Variants in RSPH9 observed in about 807,000 individuals in gnomAD.
RSPH9 encodes radial spoke head component 9, also known as radial spoke head protein 9 homolog.
Under a neutral mutation model 27.0 loss-of-function variants are expected in RSPH9, and 27 were observed. That is an observed-to-expected ratio of 1.00 (90% CI 0.74 to 1.38). RSPH9 has a LOEUF of 1.38. Among genes scored for constraint, RSPH9 ranks in the 40% most tolerant of loss-of-function variants. The probability of loss-of-function intolerance (pLI) is 0.00; values close to 1 mark genes in which losing one functional copy is unlikely to be tolerated. For missense variants in RSPH9, 347 were observed against 357.4 expected, an observed-to-expected ratio of 0.97 and a Z score of 0.24; for synonymous variants, 145 against 147.7, an observed-to-expected ratio of 0.98 and a Z score of 0.13.
intron 4 of RSPH9, among the ~76,000 whole-genome samples, chr6:43,663,385 A>C (rs1299758492): frequency 3.3e-5 from 5 of 151,804 alleles, no homozygotes; most frequent in African/African-American, 1.2e-4. Context: ...TGCCCAGCTA[A>C]TTTTTGTATT....
chr6:43,655,988 A>ACTTCCTTC lies in RSPH9; in HGVS notation c.523+339_523+346dup, dbSNP rs70993404. 0.17 allele frequency among the ~76,000 whole-genome samples: 19,592 copies of ACTTCCTTC among 113,194 alleles called. 2,394 individuals are homozygous for ACTTCCTTC. The highest frequency in any genetic ancestry group is 0.21 in the Non-Finnish European group (11,692 of 55,102). 74.3% of individuals were successfully genotyped at this position (113,194 alleles called of 152,430 possible). ...CTTTTCCTATCTCCTTCCTCCTTGG[A>ACTTCCTTC]CTTCCTTCCTTCCTTCCTTCCTTCC... On this transcript the variant is annotated intron_variant, in intron 3 of 4. Coordinates refer to ENST00000372163, the MANE Select transcript of RSPH9 (RefSeq NM_152732.5).
Position 43,670,723 on chromosome 6 carries a change from C to T in RSPH9, c.671-66C>T, listed in dbSNP as rs1359683229. 6 of 1,506,340 alleles carry T rather than the reference C, an allele frequency of 4.0e-6. No homozygotes were observed. In the African/African-American group the frequency reaches 8.2e-5, roughly 21 times the overall value. The allele number at this position is 1,506,340 out of a possible 1,614,324, so 93.3% of individuals were successfully genotyped here. On this transcript the variant is annotated intron_variant, in intron 4 of 4. Transcript: ENST00000372163. Reference sequence around the variant, plus strand: ...TGGCTGCCCAAGGAGCCAGGGGCCACAGCATGAAGGGCAGAGCTGTGGCTC... The same window carrying T: ...TGGCTGCCCAAGGAGCCAGGGGCCATAGCATGAAGGGCAGAGCTGTGGCTC...
At chr6:43,648,666 A>G (rs1771134657) in intron 1 of RSPH9, among the ~76,000 whole-genome samples, 1 of 152,194 alleles carries the variant, frequency 6.6e-6, no homozygotes, top group African/African-American at 2.4e-5. Flanking sequence ...GGACTAGTCC[A>G]AAGGGGGAAT....
rs758684050 is a variant in RSPH9, at chr6:43,650,416, A to G, written c.269A>G (p.Glu90Gly). Residue 90 changes from glutamate to glycine, a missense_variant, in exon 2 of 5, where the codon GAG becomes GGG. Coordinates refer to ENST00000372163, the MANE Select transcript of RSPH9 (RefSeq NM_152732.5). ...TEWSLLPPAT[E>G]EMVAQSSVVK... ...TGGAGCCTCTTGCCCCCTGCCACAG[A>G]GGAGATGGTGGCGCAGTCGTCTGTG... The G allele has an allele frequency of 6.2e-7, 1 of 1,613,908 alleles. No individual in the cohort carries two copies. Among genetic ancestry groups the G allele is most frequent in the Non-Finnish European group, 8.5e-7 (1 of 1,180,000 alleles).
chr6:43,650,424 G>C lies in RSPH9; in HGVS notation c.277G>C (p.Val93Leu), dbSNP rs1771325078. Reference protein sequence around the residue: ...SLLPPATEEMVAQSSVVKGRF... With the variant: ...SLLPPATEEMLAQSSVVKGRF... Reference sequence around the variant, plus strand: ...CTTGCCCCCTGCCACAGAGGAGATGGTGGCGCAGTCGTCTGTGGTGAAGGG... The same window carrying C: ...CTTGCCCCCTGCCACAGAGGAGATGCTGGCGCAGTCGTCTGTGGTGAAGGG... Residue 93 changes from valine to leucine, a missense_variant, in exon 2 of 5, where the codon GTG becomes CTG. Coordinates refer to ENST00000372163, the MANE Select transcript of RSPH9 (RefSeq NM_152732.5). 1.2e-6 allele frequency: 2 copies of C among 1,613,904 alleles called. No homozygotes were observed. The highest frequency in any genetic ancestry group is 2.2e-5 in the South Asian group (2 of 91,074).
chr6:43,669,498 G>C (rs961214953), intron 4 of RSPH9, among the ~76,000 whole-genome samples: 1 of 152,208 alleles, frequency 6.6e-6, no homozygotes, highest in Admixed American at 6.5e-5. Context: ...TGACTAGGGT[G>C]AACCATGGTT....
At chr6:43,656,875 C>A in intron 4 of RSPH9, 152 bp downstream of exon 4, 1 of 805,288 alleles carries the variant, frequency 1.2e-6, no homozygotes. Context: ...TTCCCCAGGG[C>A]CCAGCTTATA....
chr6:43,655,803 T>G, intron 3 of RSPH9, 112 bp downstream of exon 3: 1 of 1,283,428 alleles, frequency 7.8e-7, no homozygotes. Flanking sequence ...AGAGAAGGAG[T>G]AGCTGTGACC....
chr6:43,650,350 G>A lies in RSPH9; in HGVS notation c.228-25G>A, dbSNP rs1348590419. ...TGGGTGAGAAGGGAGTTGGAATCCA[G>A]GGGTGATGTGAATATTGTTGGCAGC... is the stretch of plus-strand genomic sequence containing the variant. On this transcript the variant is annotated intron_variant, in intron 1 of 4. Transcript: ENST00000372163. 4 of 1,612,324 alleles carry A rather than the reference G, an allele frequency of 2.5e-6. No homozygotes were observed. The African/African-American group carries it at 4.0e-5, about 16-fold the overall frequency.
chr6:43,664,867 G>A (rs1296437944), intron 4 of RSPH9, among the ~76,000 whole-genome samples: 1 of 152,190 alleles, frequency 6.6e-6, no homozygotes, highest in African/African-American at 2.4e-5. Flanking sequence ...GGTGCTGTAC[G>A]TCCCTCGTTG....
chr6:43,664,896 G>A (rs1035963633), intron 4 of RSPH9, among the ~76,000 whole-genome samples: 8 of 152,218 alleles, frequency 5.3e-5, no homozygotes, highest in African/African-American at 9.6e-5. Flanking sequence ...AGCCTGGAAC[G>A]GCGGTGGTGA....
intron 4 of RSPH9, among the ~76,000 whole-genome samples, chr6:43,659,944 C>T (rs1561942100): frequency 2.6e-5 from 4 of 151,550 alleles, no homozygotes; most frequent in Admixed American, 2.6e-4. Flanking sequence ...CCAAGTTGTC[C>T]AGGCTGCTCT....
At chr6:43,667,821 T>C (rs762283061) in intron 4 of RSPH9, among the ~76,000 whole-genome samples, 6 of 152,044 alleles carry the variant, frequency 3.9e-5, no homozygotes, top group Non-Finnish European at 7.4e-5. Context: ...TTGGTGCTCA[T>C]CTGAGAGGGT....
chr6:43,661,154 A>G (rs1051408762), intron 4 of RSPH9, among the ~76,000 whole-genome samples: 3 of 152,186 alleles, frequency 2.0e-5, no homozygotes, highest in African/African-American at 7.2e-5. Flanking sequence ...CATGCTATAA[A>G]CAGACATGCT....
rs1474641476 is a variant in RSPH9 at position 43,672,176 on chromosome 6, T to C, written c.*1227T>C. ...CCCTTGATCTTTGTAAATGTCAATG[T>C]TGGTGTGTGTTTGCTGAGGAAAAGG... On this transcript the variant is annotated 3_prime_UTR_variant, in exon 5 of 5. Transcript: ENST00000372163. 6 of 541,916 alleles carry C rather than the reference T, an allele frequency of 1.1e-5. No individual in the cohort carries two copies. The highest frequency in any genetic ancestry group is 2.1e-5 in the Non-Finnish European group (6 of 291,602). 33.6% of individuals were successfully genotyped at this position (541,916 alleles called of 1,614,324 possible).
Position 43,666,530 on chromosome 6 carries a change from C to T in RSPH9, c.671-4259C>T, listed in dbSNP as rs41281830. 0.025 allele frequency: 38,624 copies of T among 1,522,248 alleles called. 584 individuals carry two copies. The highest frequency in any genetic ancestry group is 0.029 in the Non-Finnish European group (32,950 of 1,122,898). 94.3% of individuals were successfully genotyped at this position (1,522,248 alleles called of 1,614,324 possible). ...GCTCTGTGTCCATGAGGTAGGCCAA[C>T]GACTCCGCATCTTGTCCCTTGGCCA... On this transcript the variant is annotated intron_variant, in intron 4 of 4. Transcript: ENST00000372163.
chr6:43,663,948 G>T (rs1772878715), intron 4 of RSPH9, among the ~76,000 whole-genome samples: 2 of 150,302 alleles, frequency 1.3e-5, no homozygotes, highest in African/African-American at 2.5e-5. Flanking sequence ...AGAATCACTT[G>T]AACCTTGGAG....
At position 43,672,436 on chromosome 6, in the gene RSPH9, G is replaced by C; in HGVS notation, c.*1487G>C. The C allele has an allele frequency of 2.1e-6, 1 of 471,104 alleles. No homozygotes were observed. The highest frequency in any genetic ancestry group is 4.4e-6 in the Non-Finnish European group (1 of 227,046). 29.2% of individuals were successfully genotyped at this position (471,104 alleles called of 1,614,324 possible). ...GGCCCGTGGGCGCAGCCCTAGCCTA[G>C]GAAGGTTCCTGTAAATAGGAGGGGG... On this transcript the variant is annotated 3_prime_UTR_variant, in exon 5 of 5. Coordinates refer to ENST00000372163, the MANE Select transcript of RSPH9 (RefSeq NM_152732.5).
At chr6:43,651,194 A>T (rs1263166243) in intron 2 of RSPH9, among the ~76,000 whole-genome samples, 1 of 152,076 alleles carries the variant, frequency 6.6e-6, no homozygotes, top group East Asian at 1.9e-4. Context: ...TCATCCTTAA[A>T]ACCCTATGGA....
Sources: allele counts gnomAD v4.1 joint callset (sites outside exome capture counted in the v4.1 genomes callset), GRCh38; gene constraint gnomAD v4.1.1; transcripts MANE v1.5; gene names NCBI Gene and HGNC (gene_info 2026-07-23, HGNC 2026-07-21).